DCC: variants seen among roughly 807,000 people sequenced by gnomAD.
The protein encoded by DCC is DCC netrin 1 receptor, also known as netrin receptor DCC.
Under a neutral mutation model 172.5 loss-of-function variants are expected in DCC, and 58 were observed. The ratio of observed to expected loss-of-function variants is 0.34; its 90% CI spans 0.27 to 0.42. The LOEUF (loss-of-function observed/expected upper bound fraction) is 0.42, where lower values mean the gene tolerates loss of function less well. Ranked by LOEUF, DCC falls within the 10% of genes least tolerant of loss-of-function variation. The probability of loss-of-function intolerance (pLI) is 1.00; values close to 1 mark genes in which losing one functional copy is unlikely to be tolerated. For missense variants in DCC, 1,740 were observed against 1,791.0 expected (o/e 0.97, Z 0.51); for synonymous variants, 709 against 644.5 (o/e 1.10, Z -1.52).
chr18:53,140,909 T>A (rs2043820040), intron 7 of DCC, among the ~76,000 whole-genome samples: 1 of 152,144 alleles, frequency 6.6e-6, no homozygotes, highest in Admixed American at 6.5e-5. Context: ...CTACTCAAAC[T>A]TTAGAAGAGT....
At chr18:52,774,061 G>A (rs575527777) in intron 2 of DCC, among the ~76,000 whole-genome samples, 1 of 152,320 alleles carries the variant, frequency 6.6e-6, no homozygotes, top group South Asian at 2.1e-4. Context: ...GGCCCCAGAT[G>A]CTTGTGATAT....
chr18:53,524,510 A>G (rs1243401451), intron 27 of DCC, among the ~76,000 whole-genome samples: 3 of 152,056 alleles, frequency 2.0e-5, no homozygotes, highest in Non-Finnish European at 4.4e-5. Flanking sequence ...GTTTTATAGC[A>G]TAGGATAAGC....
At chr18:53,097,900 C>T (rs1353753369) in intron 7 of DCC, among the ~76,000 whole-genome samples, 1 of 152,124 alleles carries the variant, frequency 6.6e-6, no homozygotes, top group African/African-American at 2.4e-5. Context: ...TGTGCCCTCA[C>T]TTAACCTTAA....
At chr18:53,391,005 A>G (rs1314915944) in intron 16 of DCC, among the ~76,000 whole-genome samples, 2 of 152,164 alleles carry the variant, frequency 1.3e-5, no homozygotes, top group Admixed American at 1.3e-4. Flanking sequence ...TAATTATCAA[A>G]TATATAATTG....
chr18:52,549,212 A>G (rs1216139015), intron 1 of DCC, among the ~76,000 whole-genome samples: 1 of 152,074 alleles, frequency 6.6e-6, no homozygotes, highest in Non-Finnish European at 1.5e-5. Context: ...AATTCATGCC[A>G]TGTTATACAC....
At chr18:52,995,573 C>T (rs1179015099) in intron 5 of DCC, among the ~76,000 whole-genome samples, 1 of 151,838 alleles carries the variant, frequency 6.6e-6, no homozygotes, top group African/African-American at 2.4e-5. Context: ...ATTCCCTCTC[C>T]TTACTACCTT....
intron 2 of DCC, among the ~76,000 whole-genome samples, chr18:52,895,916 C>A (rs1408185748): frequency 6.6e-6 from 1 of 152,066 alleles, no homozygotes; most frequent in Non-Finnish European, 1.5e-5. Context: ...TCCCGAGTAG[C>A]TGGAATTAAA....
intron 1 of DCC, among the ~76,000 whole-genome samples, chr18:52,534,568 T>G (rs2144690175): frequency 6.6e-6 from 1 of 152,152 alleles, no homozygotes; most frequent in Non-Finnish European, 1.5e-5. Flanking sequence ...TTACTGAGAG[T>G]CTAATGTACA....
chr18:52,585,870 T>A (rs796242035), intron 1 of DCC, among the ~76,000 whole-genome samples: 5 of 151,984 alleles, frequency 3.3e-5, no homozygotes, highest in African/African-American at 9.6e-5. Flanking sequence ...GATCACGAGG[T>A]TAGGTGATCA....
In DCC at chr18:53,534,335, A is replaced by G. The variant is rs377234150; in HGVS notation, c.*3682A>G. ...CAAAGTCATCTGAACTTTAAAATAG[A>G]TGCAGAGCAGGGTTACTTTCCCTTT... is the stretch of plus-strand genomic sequence containing the variant. On this transcript the variant is annotated 3_prime_UTR_variant, in exon 29 of 29. Transcript: ENST00000442544. 1 of 152,344 alleles carries G rather than the reference A, an allele frequency of 6.6e-6. No homozygotes were observed. Among genetic ancestry groups the G allele is most frequent in the East Asian group, 1.9e-4 (1 of 5,184 alleles). The allele number at this position is 152,344 out of a possible 1,614,324, so 9.4% of individuals were successfully genotyped here. A position where few individuals can be genotyped will look rare whatever the true frequency, so the allele number is the denominator to read the frequency against.
chr18:52,990,548 A>C (rs1299045047), intron 5 of DCC, among the ~76,000 whole-genome samples: 7 of 100,832 alleles, frequency 6.9e-5, no homozygotes, highest in South Asian at 5.9e-4. Context: ...CCCAAAAAAA[A>C]AAAAAAAAAA....
chr18:52,631,501 C>A (rs1036272891), intron 1 of DCC, among the ~76,000 whole-genome samples: 1 of 152,176 alleles, frequency 6.6e-6, no homozygotes, highest in Non-Finnish European at 1.5e-5. Context: ...CCCAGCCTTG[C>A]TAATTTAAAG....
At chr18:52,822,418 A>T (rs2038423160) in intron 2 of DCC, among the ~76,000 whole-genome samples, 1 of 152,234 alleles carries the variant, frequency 6.6e-6, no homozygotes, top group African/African-American at 2.4e-5. Context: ...CACAGCCAAG[A>T]AGTCTATTTA....
At chr18:52,508,761 A>G (rs2031325319) in intron 1 of DCC, among the ~76,000 whole-genome samples, 1 of 152,258 alleles carries the variant, frequency 6.6e-6, no homozygotes, top group Admixed American at 6.5e-5. Context: ...TCAAACAAAT[A>G]AGATTCTACT....
intron 14 of DCC, among the ~76,000 whole-genome samples, chr18:53,323,705 A>AGATG (rs1173114882): frequency 1.3e-5 from 2 of 151,944 alleles, no homozygotes; most frequent in Non-Finnish European, 2.9e-5. Flanking sequence ...AAGGTTGGAT[A>AGATG]GATGGATGGA....
intron 1 of DCC, among the ~76,000 whole-genome samples, chr18:52,392,782 A>G (rs898360074): frequency 2.0e-5 from 3 of 152,132 alleles, no homozygotes; most frequent in African/African-American, 7.2e-5. Flanking sequence ...ATAGAAAGAA[A>G]GACCAAGAAA....
chr18:52,969,906 G>A (rs1314017419), intron 5 of DCC, among the ~76,000 whole-genome samples: 1 of 152,088 alleles, frequency 6.6e-6, no homozygotes, highest in Non-Finnish European at 1.5e-5. Context: ...ACGAATGAGA[G>A]AATGATAGAG....
intron 5 of DCC, among the ~76,000 whole-genome samples, chr18:52,969,053 T>C (rs2040980518): frequency 6.6e-6 from 1 of 152,178 alleles, no homozygotes; most frequent in African/African-American, 2.4e-5. Context: ...ACTTTTCTTC[T>C]TCCTCTAGTA....
At chr18:52,859,270 T>C (rs1230372933) in intron 2 of DCC, among the ~76,000 whole-genome samples, 1 of 152,146 alleles carries the variant, frequency 6.6e-6, no homozygotes, top group Admixed American at 6.5e-5. Context: ...GGACTAATGG[T>C]GGATTGATCC....
Sources: allele counts gnomAD v4.1 joint callset (sites outside exome capture counted in the v4.1 genomes callset), GRCh38; gene constraint gnomAD v4.1.1; transcripts MANE v1.5; gene names NCBI Gene and HGNC (gene_info 2026-07-23, HGNC 2026-07-21).